The following GLIS3 variants were observed in gnomAD, a reference collection of about 807,000 sequenced individuals.
The protein encoded by GLIS3 is GLIS family zinc finger 3.
In GLIS3, 53 loss-of-function variants were observed where a neutral mutation model predicts 78.6. That is an observed-to-expected ratio of 0.67 (90% CI 0.54 to 0.85). The LOEUF is 0.85. GLIS3 is among the 40% of genes least tolerant of loss of function. The probability of loss-of-function intolerance (pLI) is 0.00; values close to 1 mark genes in which losing one functional copy is unlikely to be tolerated. For synonymous variants in GLIS3, 684 were observed against 509.9 expected, an observed-to-expected ratio of 1.34 and a Z score of -4.60; for missense variants, 1,703 against 1,231.1, an observed-to-expected ratio of 1.38 and a Z score of -5.74.
intron 2 of GLIS3, among the ~76,000 whole-genome samples, chr9:4,159,003 C>A (rs1303384640): frequency 1.6e-5 from 2 of 128,836 alleles, no homozygotes; most frequent in African/African-American, 6.3e-5. Context: ...AAGGCTGAAC[C>A]AGCTTGGTAT....
chr9:4,381,642 A>G, the GLIS3 span, among the ~76,000 whole-genome samples: 1 of 152,134 alleles, frequency 6.6e-6, no homozygotes, highest in South Asian at 2.1e-4. Flanking sequence ...TCCTGAAGGA[A>G]GTACTTCTTG....
chr9:4,282,202 C>G (rs965861686), intron 2 of GLIS3, among the ~76,000 whole-genome samples: 4 of 152,112 alleles, frequency 2.6e-5, no homozygotes, highest in Non-Finnish European at 5.9e-5. Context: ...AATGCATTTT[C>G]TTAGCCGCCG....
chr9:3,965,192 TC>T (rs1354914073), intron 4 of GLIS3, among the ~76,000 whole-genome samples: 5 of 129,598 alleles, frequency 3.9e-5, no homozygotes, highest in Admixed American at 7.8e-5. Context: ...TCTTTTCTTT[TC>T]TTTTTTTTTT....
At chr9:3,936,543 G>A (rs922566015) in intron 5 of GLIS3, among the ~76,000 whole-genome samples, 3 of 151,906 alleles carry the variant, frequency 2.0e-5, no homozygotes, top group Non-Finnish European at 2.9e-5. Flanking sequence ...CTAAAGCAAA[G>A]GGCCAAATTC....
Position 4,286,208 on chromosome 9 carries a change from T to C in GLIS3, c.218A>G (p.Asn73Ser), listed in dbSNP as rs762146547. 4 of 1,614,202 alleles carry C rather than the reference T, an allele frequency of 2.5e-6. No individual in the cohort carries two copies. Among genetic ancestry groups the C allele is most frequent in the South Asian group, 1.1e-5 (1 of 91,080 alleles). Reference protein sequence around the residue: ...PSGGGMAPQNNVAESRIHLPA... With the variant: ...PSGGGMAPQNSVAESRIHLPA... ...CAGATGGATGCGGCTCTCAGCCACG[T>C]TGTTCTGAGGAGCCATCCCTCCTCC... Residue 73 changes from asparagine to serine, a missense_variant, in exon 2 of 11, where the codon AAC becomes AGC. Physicochemically the swap from Asn to Ser is conservative, Grantham distance 46. Transcript: ENST00000381971.
the GLIS3 span, among the ~76,000 whole-genome samples, chr9:4,474,034 A>G: frequency 6.6e-6 from 1 of 152,212 alleles, no homozygotes; most frequent in Non-Finnish European, 1.5e-5. Flanking sequence ...AAAGCTATCT[A>G]AAAATTCAAG....
the GLIS3 span, among the ~76,000 whole-genome samples, chr9:4,427,531 T>C: frequency 9.2e-5 from 14 of 152,152 alleles, no homozygotes; most frequent in Non-Finnish European, 1.8e-4. Context: ...AGGATTTCCC[T>C]GCCATGTGAC....
chr9:3,920,752 C>A (rs1462881481), intron 6 of GLIS3, among the ~76,000 whole-genome samples: 1 of 151,982 alleles, frequency 6.6e-6, no homozygotes, highest in African/African-American at 2.4e-5. Context: ...ATGTCCTTTG[C>A]ACTATTATCT....
chr9:4,457,378 A>C, the GLIS3 span, among the ~76,000 whole-genome samples: 2 of 151,714 alleles, frequency 1.3e-5, no homozygotes, highest in African/African-American at 4.8e-5. Flanking sequence ...AAAAAGCAAG[A>C]TATATCTGCA....
At chr9:4,368,910 G>C in the GLIS3 span, among the ~76,000 whole-genome samples, 2 of 152,196 alleles carry the variant, frequency 1.3e-5, no homozygotes, top group Non-Finnish European at 2.9e-5. Context: ...CCTCTTCAAA[G>C]CTCTTCAATG....
intron 2 of GLIS3, among the ~76,000 whole-genome samples, chr9:4,158,132 C>G (rs1835176776): frequency 6.6e-6 from 1 of 151,924 alleles, no homozygotes; most frequent in Admixed American, 6.6e-5. Flanking sequence ...TCTTTTTTTT[C>G]CTTTCCAAAA....
At chr9:4,241,356 T>C (rs1245596450) in intron 2 of GLIS3, among the ~76,000 whole-genome samples, 2 of 152,198 alleles carry the variant, frequency 1.3e-5, no homozygotes, top group East Asian at 3.8e-4. Flanking sequence ...AGTACAGATA[T>C]ACAGTTAGAT....
At chr9:4,303,905 T>G (rs186048977), upstream of GLIS3, among the ~76,000 whole-genome samples, 1 of 152,388 alleles carries the variant, frequency 6.6e-6, no homozygotes, top group East Asian at 1.9e-4. Context: ...ATTTAACATC[T>G]ATACTGGCCA....
chr9:4,034,912 G>C (rs1254544939), intron 4 of GLIS3: 2 of 152,096 alleles, frequency 1.3e-5, no homozygotes, highest in African/African-American at 2.4e-5. Flanking sequence ...TGGCAGGGGG[G>C]ATCTTCGTTA....
the GLIS3 span, among the ~76,000 whole-genome samples, chr9:4,366,856 A>G: frequency 2.0e-5 from 3 of 152,184 alleles, no homozygotes; most frequent in Admixed American, 2.0e-4. Context: ...CAATGCCACC[A>G]TGTTGTCAGG....
chr9:4,216,786 C>T (rs1021198458), intron 2 of GLIS3, among the ~76,000 whole-genome samples: 1 of 152,158 alleles, frequency 6.6e-6, no homozygotes, highest in Non-Finnish European at 1.5e-5. Flanking sequence ...GTTCATTCTC[C>T]ACCTGAAGAA....
chr9:4,383,243 G>T, the GLIS3 span, among the ~76,000 whole-genome samples: 2 of 152,146 alleles, frequency 1.3e-5, no homozygotes, highest in Non-Finnish European at 2.9e-5. Context: ...AGAAAAAAAC[G>T]CTTAACGAAT....
intron 4 of GLIS3, among the ~76,000 whole-genome samples, chr9:3,949,298 A>G (rs146392280): frequency 6.6e-6 from 1 of 152,262 alleles, no homozygotes; most frequent in Non-Finnish European, 1.5e-5. Flanking sequence ...AGCAATGACT[A>G]GAAAGTACTG....
At chr9:4,488,841 T>G in the GLIS3 span, among the ~76,000 whole-genome samples, 1 of 151,920 alleles carries the variant, frequency 6.6e-6, no homozygotes, top group Non-Finnish European at 1.5e-5. Context: ...CTTGATAGTT[T>G]CCCTTCTGAC....
Sources: gnomAD v4.1 joint callset for allele counts (sites outside exome capture counted in the v4.1 genomes callset) on GRCh38, gnomAD v4.1.1 for gene constraint, MANE v1.5 for transcripts, NCBI Gene and HGNC (gene_info 2026-07-23, HGNC 2026-07-21) for gene names.